The following ETFA variants were observed in gnomAD, a reference collection of about 807,000 sequenced individuals.
The protein encoded by ETFA is electron transfer flavoprotein subunit alpha, also known as electron transfer flavoprotein subunit alpha, mitochondrial.
In ETFA, 22 loss-of-function variants were observed where a neutral mutation model predicts 46.2. The observed-to-expected ratio is 0.48, with a 90% confidence interval of 0.34 to 0.68. ETFA has a LOEUF of 0.68. Among genes scored for constraint, ETFA ranks in the 30% least tolerant of loss-of-function variants. ETFA has a pLI of 0.01. For missense variants in ETFA, 345 were observed against 401.1 expected, an observed-to-expected ratio of 0.86 and a Z score of 1.19; for synonymous variants, 131 against 139.9, an observed-to-expected ratio of 0.94 and a Z score of 0.45.
chr15:76,221,959 G>A (rs2038959540), intron 11 of ETFA, among the ~76,000 whole-genome samples: 1 of 152,142 alleles, frequency 6.6e-6, no homozygotes, highest in Middle Eastern at 3.4e-3. Flanking sequence ...ATATCACCTA[G>A]GGAATTATTA....
chr15:76,272,750 T>C (rs924343781), intron 9 of ETFA, among the ~76,000 whole-genome samples: 2 of 151,168 alleles, frequency 1.3e-5, no homozygotes, highest in Non-Finnish European at 2.9e-5. Flanking sequence ...TGATCATGCC[T>C]GTGACCAACC....
At chr15:76,225,134 C>G (rs1196871420) in intron 11 of ETFA, among the ~76,000 whole-genome samples, 1 of 152,176 alleles carries the variant, frequency 6.6e-6, no homozygotes, top group Non-Finnish European at 1.5e-5. Flanking sequence ...CTGAAAAGCT[C>G]TAGCATTCTT....
intron 10 of ETFA, chr15:76,228,751 CTTTT>C (rs990306452): frequency 3.9e-4 from 45 of 115,264 alleles, no homozygotes; most frequent in South Asian, 2.1e-3. Flanking sequence ...ATTATTATTA[CTTTT>C]TTTTTTTTTT....
intron 9 of ETFA, chr15:76,260,854 G>A (rs2039403550): frequency 6.2e-7 from 1 of 1,611,790 alleles, no homozygotes; most frequent in Non-Finnish European, 8.5e-7. Flanking sequence ...AGGTCCCGGA[G>A]CAGGCAGGTA....
chr15:76,309,471 C>CAA (rs201994323), intron 1 of ETFA, among the ~76,000 whole-genome samples: 1 of 151,380 alleles, frequency 6.6e-6, no homozygotes, highest in African/African-American at 2.4e-5. Flanking sequence ...AACAAACAAA[C>CAA]AAAAAAAACA....
At chr15:76,284,615 T>C (rs1353157652) in intron 7 of ETFA, among the ~76,000 whole-genome samples, 1 of 151,456 alleles carries the variant, frequency 6.6e-6, no homozygotes. Context: ...CTCACCCTCC[T>C]GAGTAGCTGG....
chr15:76,271,156 C>T (rs927494021), intron 9 of ETFA, among the ~76,000 whole-genome samples: 1 of 131,292 alleles, frequency 7.6e-6, no homozygotes, highest in Non-Finnish European at 1.5e-5. Context: ...AGCGACAGAG[C>T]GAGACTATGT....
intron 9 of ETFA, among the ~76,000 whole-genome samples, chr15:76,235,669 G>A (rs1010621344): frequency 1.3e-5 from 2 of 152,092 alleles, no homozygotes; most frequent in Admixed American, 1.3e-4. Context: ...ACAATTACAG[G>A]TTACGGCAAG....
intron 11 of ETFA, among the ~76,000 whole-genome samples, chr15:76,222,179 TTA>T (rs1233311873): frequency 8.7e-5 from 13 of 150,160 alleles, no homozygotes; most frequent in Non-Finnish European, 1.6e-4. Context: ...AGATATTACC[TTA>T]TATGTTTCTT....
At chr15:76,252,911 T>A (rs1020880561) in intron 9 of ETFA, among the ~76,000 whole-genome samples, 1 of 139,996 alleles carries the variant, frequency 7.1e-6, no homozygotes, top group African/African-American at 2.7e-5. Flanking sequence ...TTTTTTTTTT[T>A]TTTTTTAAAG....
At chr15:76,261,528 C>T (rs2039413238) in intron 9 of ETFA, 1 of 660,808 alleles carries the variant, frequency 1.5e-6, no homozygotes, top group Admixed American at 2.8e-5. Flanking sequence ...CCAGCTGCCC[C>T]TGGGACACTG....
At position 76,215,912 on chromosome 15, in the gene ETFA, C is replaced by T. The variant is rs2038892200; in HGVS notation, c.*647G>A. Reference sequence around the variant, plus strand: ...CCTTTACAGACAAAAGTCCTATAAACTGACAAAACCTTAAAATTAAACGGA... The same window carrying T: ...CCTTTACAGACAAAAGTCCTATAAATTGACAAAACCTTAAAATTAAACGGA... On this transcript the variant is annotated 3_prime_UTR_variant, in exon 12 of 12. Transcript: ENST00000557943. 1 of 152,284 alleles carries T rather than the reference C, an allele frequency of 6.6e-6. No individual in the cohort carries two copies. The highest frequency in any genetic ancestry group is 2.4e-5 in the African/African-American group (1 of 41,452). The allele number at this position is 152,284 out of a possible 1,614,324, so 9.4% of individuals were successfully genotyped here.
At chr15:76,259,034 C>G (rs1378733559) in intron 9 of ETFA, 1 of 1,607,100 alleles carries the variant, frequency 6.2e-7, no homozygotes. Flanking sequence ...GCAAAAGCCT[C>G]TGTGTCTCAT....
intron 11 of ETFA, among the ~76,000 whole-genome samples, chr15:76,224,718 C>A (rs887919188): frequency 6.6e-6 from 1 of 152,266 alleles, no homozygotes; most frequent in East Asian, 1.9e-4. Context: ...GGGTTCCTCA[C>A]CCCAGCAAAC....
In ETFA at chr15:76,252,147, G is replaced by A. The variant is rs1294816582; in HGVS notation, c.817-20749C>T. ...TCTAGCAAATGGACAGGACCATATA[G>A]AATCTTTTTTATTAAGGTGACTTTA... On this transcript the variant is annotated intron_variant, in intron 9 of 11. Coordinates refer to ENST00000557943, the MANE Select transcript of ETFA (RefSeq NM_000126.4). Among the ~76,000 whole-genome samples, 3 of 152,220 alleles carry A rather than the reference G, an allele frequency of 2.0e-5. No homozygotes were observed. In the East Asian group the frequency reaches 5.8e-4, roughly 29 times the overall value.
At chr15:76,296,105 C>T (rs1056625732) in intron 1 of ETFA, among the ~76,000 whole-genome samples, 3 of 151,512 alleles carry the variant, frequency 2.0e-5, no homozygotes, top group Admixed American at 6.6e-5. Context: ...ACCACCATGT[C>T]GGCTAATTTT....
chr15:76,280,387 C>G (rs1055757049), intron 8 of ETFA, among the ~76,000 whole-genome samples: 4 of 152,188 alleles, frequency 2.6e-5, no homozygotes, highest in Non-Finnish European at 5.9e-5. Flanking sequence ...TAATCCACAT[C>G]CAATCTGTCG....
At chr15:76,264,261 G>A (rs984897346) in intron 9 of ETFA, among the ~76,000 whole-genome samples, 2 of 152,200 alleles carry the variant, frequency 1.3e-5, no homozygotes. Context: ...TTCTCACTCC[G>A]TCCCAGTACT....
intron 9 of ETFA, among the ~76,000 whole-genome samples, chr15:76,272,736 G>T (rs1222230711): frequency 6.6e-6 from 1 of 151,418 alleles, no homozygotes; most frequent in Non-Finnish European, 1.5e-5. Context: ...GCTGTGGTGT[G>T]TTATGATCAT....
Sources: allele counts gnomAD v4.1 joint callset (sites outside exome capture counted in the v4.1 genomes callset), GRCh38; gene constraint gnomAD v4.1.1; transcripts MANE v1.5; gene names NCBI Gene and HGNC (gene_info 2026-07-23, HGNC 2026-07-21).